TUG1: variants seen among roughly 807,000 people sequenced by gnomAD.
The protein encoded by TUG1 is taurine up-regulated 1.
exon 3 of TUG1, chr22:30,977,059 A>G (rs2041296755): frequency 6.6e-6 from 1 of 152,180 alleles, no homozygotes; most frequent in Admixed American, 6.5e-5. Flanking sequence ...ACATTGATCT[A>G]TACTGCCATT....
chr22:30,969,849 G>C (rs1182496870), exon 1 of TUG1: 1 of 152,304 alleles, frequency 6.6e-6, no homozygotes, highest in Non-Finnish European at 1.5e-5. Flanking sequence ...GGCAGCCCCG[G>C]GGTGGGGAGA....
At chr22:30,975,457 C>T (rs1422937414) in exon 3 of TUG1, 5 of 152,280 alleles carry the variant, frequency 3.3e-5, no homozygotes, top group Non-Finnish European at 7.3e-5. Flanking sequence ...CCAATCTTTT[C>T]TGTACCTCCA....
chr22:30,976,800 A>T (rs2041292776), exon 3 of TUG1: 1 of 152,222 alleles, frequency 6.6e-6, no homozygotes, highest in Non-Finnish European at 1.5e-5. Flanking sequence ...CATTGGAAAT[A>T]GTTTGTTTAT....
At chr22:30,971,949 A>C (rs2041235977) in intron 1 of TUG1, 170 bp downstream of exon 1, 1 of 152,240 alleles carries the variant, frequency 6.6e-6, no homozygotes, top group Non-Finnish European at 1.5e-5. Context: ...AACTAGCCAG[A>C]ATAGAGCTTT....
exon 3 of TUG1, chr22:30,978,142 T>A (rs1382642173): frequency 2.6e-5 from 4 of 152,202 alleles, no homozygotes; most frequent in Non-Finnish European, 4.4e-5. Flanking sequence ...CTCACAGAAT[T>A]ATTTGATGTA....
chr22:30,969,622 C>T (rs1371768689), exon 1 of TUG1: 1 of 152,568 alleles, frequency 6.6e-6, no homozygotes, highest in Non-Finnish European at 1.5e-5. Context: ...CTGCTCCGCC[C>T]CGCTCCGGGG....
At chr22:30,974,196 T>C (rs1167561046) in intron 2 of TUG1, 1 of 152,114 alleles carries the variant, frequency 6.6e-6, no homozygotes, top group Non-Finnish European at 1.5e-5. Context: ...TGTGTAAATA[T>C]GACATGGAGA....
At chr22:30,978,947 C>A (rs1392847619) in exon 3 of TUG1, 1 of 152,134 alleles carries the variant, frequency 6.6e-6, no homozygotes, top group South Asian at 2.1e-4. Flanking sequence ...AGCTAGAGGT[C>A]ATGGTCACTG....
At chr22:30,977,135 T>G (rs567424137) in exon 3 of TUG1, 2 of 152,210 alleles carry the variant, frequency 1.3e-5, no homozygotes, top group East Asian at 1.9e-4. Context: ...TCTGCTCGAG[T>G]CTAAAATATA....
At chr22:30,972,692 C>T (rs1278628651) in intron 1 of TUG1, 163 bp from the exon 2 acceptor site, 1 of 152,654 alleles carries the variant, frequency 6.6e-6, no homozygotes, top group Non-Finnish European at 1.5e-5. Context: ...TTTTGGATTG[C>T]TGTTGTTTGT....
exon 1 of TUG1, chr22:30,970,409 C>G (rs556139673): frequency 6.6e-6 from 1 of 152,242 alleles, no homozygotes; most frequent in Non-Finnish European, 1.5e-5. Context: ...GGGTTAACAA[C>G]AGTCCCCTGC....
intron 2 of TUG1, chr22:30,974,389 C>G (rs916632408): frequency 6.7e-6 from 1 of 149,484 alleles, no homozygotes; most frequent in African/African-American, 2.5e-5. Context: ...TTCCATTTTG[C>G]TGTTTAACCC....
At chr22:30,971,725 T>C (rs368428739) in exon 1 of TUG1, 1 of 152,928 alleles carries the variant, frequency 6.5e-6, no homozygotes, top group Non-Finnish European at 1.5e-5. Context: ...AAGACCTGAG[T>C]TTCTGTCCAG....
intron 2 of TUG1, chr22:30,974,016 A>G (rs182056746): frequency 1.3e-5 from 2 of 152,344 alleles, no homozygotes; most frequent in African/African-American, 4.8e-5. Flanking sequence ...AAAACGGGAC[A>G]TGTTCTAACA....
chr22:30,970,780 C>T (rs904564216), exon 1 of TUG1: 1 of 152,186 alleles, frequency 6.6e-6, no homozygotes, highest in Non-Finnish European at 1.5e-5. Flanking sequence ...CAAGCGGGCT[C>T]ACTGGAAGAG....
exon 3 of TUG1, chr22:30,976,494 C>G (rs1363387704): frequency 6.6e-6 from 1 of 152,180 alleles, no homozygotes; most frequent in Non-Finnish European, 1.5e-5. Flanking sequence ...GACTTAAGAG[C>G]TTTTGTCCTT....
exon 1 of TUG1, chr22:30,971,309 C>G (rs1386291792): frequency 6.6e-6 from 1 of 152,142 alleles, no homozygotes; most frequent in African/African-American, 2.4e-5. Flanking sequence ...AAGTGTTGGT[C>G]TTTTTGCTCT....
chr22:30,976,638 T>C (rs941868410), exon 3 of TUG1: 3 of 152,322 alleles, frequency 2.0e-5, no homozygotes, highest in East Asian at 1.9e-4. Flanking sequence ...ACTTATCTGT[T>C]TCAGCAGGAA....
chr22:30,974,258 C>T (rs1281926307), intron 2 of TUG1: 4 of 151,682 alleles, frequency 2.6e-5, no homozygotes, highest in African/African-American at 7.3e-5. Context: ...TGGCCCTTCC[C>T]CCAGTCTACA....
Sources: gnomAD v4.1 joint callset for allele counts on GRCh38, gnomAD v4.1.1 for gene constraint, MANE v1.5 for transcripts, NCBI Gene and HGNC (gene_info 2026-07-23, HGNC 2026-07-21) for gene names.